The following PRMT8 variants were observed in gnomAD, a reference collection of about 807,000 sequenced individuals.
PRMT8 encodes protein arginine methyltransferase 8, also known as protein arginine N-methyltransferase 8.
PRMT8 carries 7 observed loss-of-function variants against 47.1 expected under a neutral mutation model. The observed-to-expected ratio is 0.15, with a 90% confidence interval of 0.08 to 0.28. The LOEUF is 0.28. Ranked by LOEUF, PRMT8 falls within the 10% of genes least tolerant of loss-of-function variation. PRMT8 has a pLI of 1.00. For missense variants in PRMT8, 237 were observed against 505.4 expected, an observed-to-expected ratio of 0.47 and a Z score of 5.09; for synonymous variants, 188 against 186.5, an observed-to-expected ratio of 1.01 and a Z score of -0.07.
intron 1 of PRMT8, among the ~76,000 whole-genome samples, chr12:3,435,962 C>T (rs1864737258): frequency 6.6e-6 from 1 of 152,118 alleles, no homozygotes; most frequent in South Asian, 2.1e-4. Flanking sequence ...CCCGTGTCCG[C>T]AAGGAAACTG....
In PRMT8 at chr12:3,569,692, G is replaced by C. The variant is rs923085528; in HGVS notation, c.712+128G>C. 2.6e-6 allele frequency: 2 copies of C among 776,320 alleles called. No individual in the cohort carries two copies. The highest frequency in any genetic ancestry group is 4.5e-6 in the Non-Finnish European group (2 of 440,774). The allele number at this position is 776,320 out of a possible 1,614,324, so 48.1% of individuals were successfully genotyped here. On this transcript the variant is annotated intron_variant, in intron 6 of 9. Transcript: ENST00000382622. This position sits in a 1 kb window ranked among gnomAD's most constrained non-coding sequence, Gnocchi z 8.2. ...CTGTCCCTGAAGAGGAGCTTATCTG[G>C]GACCCTTTCTGGAGTCTGCTCTCTA... is the stretch of plus-strand genomic sequence containing the variant.
intron 1 of PRMT8, among the ~76,000 whole-genome samples, chr12:3,394,020 T>C (rs1388580146): frequency 8.0e-5 from 11 of 137,098 alleles, no homozygotes; most frequent in Admixed American, 2.3e-4. Context: ...CTGTCTGTTG[T>C]TGGTGTATAA....
intron 1 of PRMT8, among the ~76,000 whole-genome samples, chr12:3,476,183 A>G (rs1865211307): frequency 1.3e-5 from 2 of 152,184 alleles, no homozygotes. Flanking sequence ...AGGGAGCTTC[A>G]GCTCTAAGTG....
rs1866100641 is a variant in PRMT8 at position 3,535,398 on chromosome 12, C to T, written c.76-5208C>T. ...CTGTGTTGGGGGAGTCCTGATCAGC[C>T]GCTGGCGTGGTGAGTCGAAGGCAAA... On this transcript the variant is annotated intron_variant, in intron 1 of 9. Coordinates refer to ENST00000382622, the MANE Select transcript of PRMT8 (RefSeq NM_019854.5). This position sits in a 1 kb window ranked among gnomAD's most constrained non-coding sequence, Gnocchi z 4.7. 6.6e-6 allele frequency among the ~76,000 whole-genome samples: 1 copy of T among 152,156 alleles called. No homozygotes were observed. Among genetic ancestry groups the T allele is most frequent in the Non-Finnish European group, 1.5e-5 (1 of 68,030 alleles).
In PRMT8 at chr12:3,469,117, C is replaced by A. The variant is rs77674383; in HGVS notation, c.49-71489C>A. 1,909 of 488,596 alleles carry A rather than the reference C, an allele frequency of 3.9e-3. 32 individuals carry two copies. Among genetic ancestry groups the A allele is most frequent in the African/African-American group, 0.034 (1,724 of 51,022 alleles). The allele number at this position is 488,596 out of a possible 1,614,324, so 30.3% of individuals were successfully genotyped here. On this transcript the variant is annotated intron_variant, in intron 1 of 9. Transcript: ENST00000452611. ...CAGCAGTCAGGGACATTTCTGAAGC[C>A]AGAGTCTTCCATGCCTATGTGCTTC...
Position 3,404,050 on chromosome 12 carries a change from A to G in PRMT8, c.48+22608A>G, listed in dbSNP as rs1318188359. Among the ~76,000 whole-genome samples the G allele has an allele frequency of 5.2e-4, 79 of 152,156 alleles. 2 individuals carry two copies. The highest frequency in any genetic ancestry group is 5.1e-3 in the Admixed American group (78 of 15,276). The stretch of plus-strand genomic sequence containing the variant: ...CAAACATCCATACGTCCTTTAGCCA[A>G]ATTCAACAAATGTTGACATTTTGTC... On this transcript the variant is annotated intron_variant, in intron 1 of 9. Transcript: ENST00000452611.
At chr12:3,407,782 G>A (rs762309318) in intron 1 of PRMT8, among the ~76,000 whole-genome samples, 3 of 152,074 alleles carry the variant, frequency 2.0e-5, no homozygotes, top group Non-Finnish European at 2.9e-5. Flanking sequence ...TGCATCATAA[G>A]TCCTGTAGGC....
At chr12:3,395,044 G>C (rs1864234603) in intron 1 of PRMT8, among the ~76,000 whole-genome samples, 1 of 151,478 alleles carries the variant, frequency 6.6e-6, no homozygotes. Context: ...ATTTCTGTGG[G>C]ATTGGTGGTG....
intron 7 of PRMT8, among the ~76,000 whole-genome samples, chr12:3,582,838 T>C (rs1173248930): frequency 6.6e-6 from 1 of 152,146 alleles, no homozygotes; most frequent in Non-Finnish European, 1.5e-5. Flanking sequence ...CAGGTTTTGA[T>C]TCAAATCCAT....
chr12:3,444,265 A>G (rs916320988), intron 1 of PRMT8, among the ~76,000 whole-genome samples: 1 of 152,182 alleles, frequency 6.6e-6, no homozygotes, highest in Non-Finnish European at 1.5e-5. Context: ...CCTGACCTGC[A>G]TGCAGTGCCC....
intron 1 of PRMT8, among the ~76,000 whole-genome samples, chr12:3,433,282 T>A (rs1322882733): frequency 1.3e-5 from 2 of 152,376 alleles, no homozygotes; most frequent in African/African-American, 4.8e-5. Context: ...ATTGCAGTAT[T>A]GTTTGCAGTA....
intron 3 of PRMT8, chr12:3,551,422 AG>A (rs1358358584): frequency 6.6e-6 from 1 of 152,286 alleles, no homozygotes; most frequent in Non-Finnish European, 1.5e-5. Flanking sequence ...GGTCTTAGTG[AG>A]GTCACAGGGC....
chr12:3,472,630 C>G (rs899029385), intron 1 of PRMT8, among the ~76,000 whole-genome samples: 3 of 152,280 alleles, frequency 2.0e-5, no homozygotes, highest in African/African-American at 7.2e-5. Flanking sequence ...TAGCACAGGG[C>G]CTGACCCAGT....
intron 1 of PRMT8, among the ~76,000 whole-genome samples, chr12:3,394,460 T>G (rs1054959544): frequency 5.9e-5 from 9 of 152,260 alleles, no homozygotes; most frequent in Non-Finnish European, 8.8e-5. Context: ...CTGCATCTAT[T>G]GAGATAATCA....
At chr12:3,383,549 G>A (rs946882245) in intron 1 of PRMT8, among the ~76,000 whole-genome samples, 1 of 152,196 alleles carries the variant, frequency 6.6e-6, no homozygotes, top group Non-Finnish European at 1.5e-5. Flanking sequence ...AATGAGATTA[G>A]TGCCCTTATG....
At chr12:3,450,822 G>A (rs74057422) in intron 1 of PRMT8, among the ~76,000 whole-genome samples, 2,635 of 152,212 alleles carry the variant, frequency 0.017, 50 homozygotes, top group African/African-American at 0.041. Context: ...TTTCATCAAG[G>A]ACATTTCCAA....
intron 7 of PRMT8, among the ~76,000 whole-genome samples, chr12:3,578,765 G>A (rs762546313): frequency 5.3e-5 from 8 of 152,130 alleles, no homozygotes; most frequent in African/African-American, 9.7e-5. Flanking sequence ...CCTTTGTCCT[G>A]GACACAAGCC....
At chr12:3,419,962 G>A (rs1864522661) in intron 1 of PRMT8, among the ~76,000 whole-genome samples, 1 of 137,926 alleles carries the variant, frequency 7.3e-6, no homozygotes, top group Non-Finnish European at 1.6e-5. Flanking sequence ...GGTTTGAGGG[G>A]GAGAAAGAGG....
intron 1 of PRMT8, among the ~76,000 whole-genome samples, chr12:3,404,004 A>C (rs1045244505): frequency 2.6e-5 from 4 of 152,130 alleles, no homozygotes; most frequent in Non-Finnish European, 5.9e-5. Flanking sequence ...TATTTTCTAT[A>C]GAAAATCACA....
Sources: allele counts gnomAD v4.1 joint callset (sites outside exome capture counted in the v4.1 genomes callset), GRCh38; gene constraint gnomAD v4.1.1; non-coding constraint Gnocchi (gnomAD v3.1); transcripts MANE v1.5; gene names NCBI Gene and HGNC (gene_info 2026-07-23, HGNC 2026-07-21).